The following CREBRF variants were observed in gnomAD, a reference collection of about 807,000 sequenced individuals.
CREBRF encodes the protein CREB3 regulatory factor.
CREBRF carries 5 observed loss-of-function variants against 66.1 expected under a neutral mutation model. The ratio of observed to expected loss-of-function variants is 0.08; its 90% confidence interval spans 0.04 to 0.16. CREBRF has a LOEUF of 0.16. Ranked by LOEUF, CREBRF falls within the 10% of genes least tolerant of loss-of-function variation. The pLI, the probability that CREBRF is intolerant of heterozygous loss-of-function variation, is 1.00. For missense variants in CREBRF, 531 were observed against 744.9 expected (o/e 0.71, Z 3.34); for synonymous variants, 229 against 264.4 (o/e 0.87, Z 1.30).
chr5:173,072,864 A>C (rs948662963), intron 1 of CREBRF, among the ~76,000 whole-genome samples: 2 of 152,214 alleles, frequency 1.3e-5, no homozygotes, highest in Non-Finnish European at 2.9e-5. Flanking sequence ...AAACAGATGC[A>C]TTTGTGCTCA....
rs1758304885 is a variant in CREBRF at position 173,090,854 on chromosome 5, G to A, written c.675G>A (p.Val225=). 1 of 1,613,988 alleles carries A rather than the reference G, an allele frequency of 6.2e-7. No homozygotes were observed. The highest frequency in any genetic ancestry group is 1.3e-5 in the African/African-American group (1 of 74,924). Residue 225 remains valine, a synonymous_variant, in exon 4 of 9, where the codon GTG becomes GTA. Coordinates refer to ENST00000296953, the MANE Select transcript of CREBRF (RefSeq NM_153607.3). The surrounding 1 kb of genome is among the most constrained non-coding windows in gnomAD (Gnocchi z 4.5). ...CCAACATGTATCATAATGAAAAGGTGAACTTTCATGTTGAATGTAAAGACT... is the reference window on the plus strand; with the variant it reads ...CCAACATGTATCATAATGAAAAGGTAAACTTTCATGTTGAATGTAAAGACT... ...VKTNMYHNEK[V]NFHVECKDYV...
At chr5:173,056,698 C>T (rs1757053337) in intron 1 of CREBRF, among the ~76,000 whole-genome samples, 1 of 152,020 alleles carries the variant, frequency 6.6e-6, no homozygotes, top group Non-Finnish European at 1.5e-5. Context: ...CCCCCACCCC[C>T]GGCCCGGGAC....
intron 3 of CREBRF, among the ~76,000 whole-genome samples, chr5:173,089,667 A>G (rs56254831): frequency 8.1e-5 from 12 of 147,904 alleles, no homozygotes; most frequent in Non-Finnish European, 1.3e-4. Flanking sequence ...ACTTTAAAAA[A>G]AAAAAAAAAG....
chr5:173,092,430 G>A (rs571722771), intron 4 of CREBRF: 6 of 985,278 alleles, frequency 6.1e-6, no homozygotes, highest in Non-Finnish European at 7.2e-6. Flanking sequence ...TACATGCTTG[G>A]GCTTTTGGCG....
chr5:173,090,911 A>G lies in CREBRF; in HGVS notation c.732A>G (p.Pro244=). Residue 244 remains proline (P), a synonymous_variant, in exon 4 of 9, where the codon CCA becomes CCG. Coordinates refer to ENST00000296953, the MANE Select transcript of CREBRF (RefSeq NM_153607.3). The surrounding 1 kb of genome is among the most constrained non-coding windows in gnomAD (Gnocchi z 4.5). ...YVKKAKVKIN[P]VQQSRPLLSQ... The stretch of plus-strand genomic sequence containing the variant: ...AAAAGGCAAAGGTAAAGATCAACCC[A>G]GTGCAACAGAGCCGGCCCTTGTTGA... 6.2e-7 allele frequency: 1 copy of G among 1,614,258 alleles called. No homozygotes were observed. Among genetic ancestry groups the G allele is most frequent in the Middle Eastern group, 1.6e-4 (1 of 6,062 alleles).
At chr5:173,081,458 T>G (rs369691881) in intron 2 of CREBRF, among the ~76,000 whole-genome samples, 2 of 152,278 alleles carry the variant, frequency 1.3e-5, no homozygotes, top group East Asian at 3.9e-4. Context: ...GTTTCAGTGC[T>G]GGGGAGAAAC....
chr5:173,083,477 G>A (rs898246342), intron 2 of CREBRF, among the ~76,000 whole-genome samples: 10 of 152,154 alleles, frequency 6.6e-5, no homozygotes, highest in African/African-American at 2.4e-4. Flanking sequence ...CAGGAATCAG[G>A]ATTAAGGCTA....
rs562448550 is a variant in CREBRF, at chr5:173,132,714, G to A, written c.1805-916G>A. On this transcript the variant is annotated intron_variant, in intron 8 of 8. Transcript: ENST00000296953. Reference sequence around the variant, plus strand: ...CCCCGGGTTCAAGCAGTTCTCCTGCGTCAGCCTCCCGAGTAGCTGGGATTA... The same window carrying A: ...CCCCGGGTTCAAGCAGTTCTCCTGCATCAGCCTCCCGAGTAGCTGGGATTA... Among the ~76,000 whole-genome samples, 7 of 145,110 alleles carry A rather than the reference G, an allele frequency of 4.8e-5. No individual in the cohort carries two copies. In the East Asian group the frequency reaches 6.2e-4, roughly 13 times the overall value.
At chr5:173,059,317 T>C (rs1757194264) in intron 1 of CREBRF, among the ~76,000 whole-genome samples, 1 of 140,220 alleles carries the variant, frequency 7.1e-6, no homozygotes, top group African/African-American at 2.7e-5. Flanking sequence ...CAGGCTGGAG[T>C]GCAGTGGGAA....
At chr5:173,085,366 G>T (rs1378182080) in intron 2 of CREBRF, 3 of 1,260,058 alleles carry the variant, frequency 2.4e-6, no homozygotes, top group South Asian at 1.2e-5. Flanking sequence ...GCTCTTCTTC[G>T]ATCCTGGAGG....
chr5:173,081,400 ACTC>A (rs1268113226), intron 2 of CREBRF, among the ~76,000 whole-genome samples: 12 of 151,222 alleles, frequency 7.9e-5, no homozygotes, highest in East Asian at 3.9e-4. Flanking sequence ...GCTTATCTAA[ACTC>A]CTCCTTTTCT....
rs1352982033 is a variant in CREBRF, at chr5:173,135,215, T to A, written c.*1470T>A. On this transcript the variant is annotated 3_prime_UTR_variant, in exon 9 of 9. Coordinates refer to ENST00000296953, the MANE Select transcript of CREBRF (RefSeq NM_153607.3). Reference sequence around the variant, plus strand: ...AACAAAAACAATTTATAGATTTTTATATTTTTGTACAGGTATTTTCAAACT... The same window carrying A: ...AACAAAAACAATTTATAGATTTTTAAATTTTTGTACAGGTATTTTCAAACT... 1 of 152,516 alleles carries A rather than the reference T, an allele frequency of 6.6e-6. No individual in the cohort carries two copies. Among genetic ancestry groups the A allele is most frequent in the Non-Finnish European group, 1.5e-5 (1 of 67,948 alleles). 9.4% of individuals were successfully genotyped at this position (152,516 alleles called of 1,614,324 possible).
intron 1 of CREBRF, among the ~76,000 whole-genome samples, chr5:173,077,954 TC>T (rs1367167801): frequency 1.2e-4 from 18 of 152,234 alleles, no homozygotes; most frequent in Non-Finnish European, 2.1e-4. Context: ...ATTTTGTTGA[TC>T]CATTCATCTG....
chr5:173,104,743 G>GTA (rs1758710049), intron 4 of CREBRF, among the ~76,000 whole-genome samples: 1 of 151,596 alleles, frequency 6.6e-6, no homozygotes, highest in African/African-American at 2.4e-5. Flanking sequence ...GAGAGAGAGT[G>GTA]TGTGTGTGTG....
At chr5:173,085,440 GA>G (rs764715269) in intron 2 of CREBRF, 1 of 766,612 alleles carries the variant, frequency 1.3e-6, no homozygotes. Context: ...TTTGGAGACG[GA>G]GTTTCGCTCT....
chr5:173,073,000 T>A (rs1219119709), intron 1 of CREBRF, among the ~76,000 whole-genome samples: 1 of 151,824 alleles, frequency 6.6e-6, no homozygotes, highest in Non-Finnish European at 1.5e-5. Context: ...AGTCAGAGAG[T>A]GATAGTATTG....
At chr5:173,079,530 G>A (rs1397977831) in intron 1 of CREBRF, among the ~76,000 whole-genome samples, 1 of 151,490 alleles carries the variant, frequency 6.6e-6, no homozygotes, top group Non-Finnish European at 1.5e-5. Flanking sequence ...CCCAGACAAT[G>A]TGCTGACTTC....
intron 4 of CREBRF, among the ~76,000 whole-genome samples, chr5:173,102,648 C>T (rs1348493939): frequency 1.3e-5 from 2 of 152,070 alleles, no homozygotes; most frequent in East Asian, 3.9e-4. Flanking sequence ...GAGAACTTAC[C>T]TGGCACCTGT....
intron 8 of CREBRF, among the ~76,000 whole-genome samples, chr5:173,131,740 G>A (rs1008237968): frequency 6.7e-6 from 1 of 150,204 alleles, no homozygotes; most frequent in African/African-American, 2.5e-5. Flanking sequence ...ACTTTTTTTT[G>A]TTTGTTTTTG....
Sources: allele counts gnomAD v4.1 joint callset (sites outside exome capture counted in the v4.1 genomes callset), GRCh38; gene constraint gnomAD v4.1.1; non-coding constraint Gnocchi (gnomAD v3.1); transcripts MANE v1.5; gene names NCBI Gene and HGNC (gene_info 2026-07-23, HGNC 2026-07-21).